The following INSRR variants were observed in gnomAD, a reference collection of about 807,000 sequenced individuals.
INSRR encodes the protein insulin receptor-related protein.
INSRR carries 114 observed loss-of-function variants against 130.0 expected under a neutral mutation model. The ratio of observed to expected loss-of-function variants is 0.88; its 90% CI spans 0.75 to 1.02. The LOEUF is 1.02. Among genes scored for constraint, INSRR ranks in the 50% least tolerant of loss-of-function variants. The pLI is 0.00. For missense variants in INSRR, 1,657 were observed against 1,735.2 expected, an observed-to-expected ratio of 0.95 and a Z score of 0.80; for synonymous variants, 674 against 705.2, an observed-to-expected ratio of 0.96 and a Z score of 0.70.
Position 156,849,353 on chromosome 1 carries a change from G to T in INSRR, c.1337C>A (p.Pro446Gln), listed in dbSNP as rs767047555. Residue 446 changes from proline to glutamine, a missense_variant, in exon 6 of 22, where the codon CCG becomes CAG. Pro to Gln is a moderately conservative substitution (Grantham distance 76, BLOSUM62 -1). Coordinates refer to ENST00000368195, the MANE Select transcript of INSRR (RefSeq NM_014215.3). ...GTAGATGTGTTCCAAGCAGAGGCGC[G>T]GGTTGAAGGCGAAGTAGATCTTGCC... ...PVGKIYFAFNPRLCLEHIYRL... is the reference protein window; with the variant it reads ...PVGKIYFAFNQRLCLEHIYRL... 1.2e-6 allele frequency: 2 copies of T among 1,613,882 alleles called. No homozygotes were observed. Among genetic ancestry groups the T allele is most frequent in the Non-Finnish European group, 1.7e-6 (2 of 1,179,978 alleles).
At position 156,843,482 on chromosome 1, in the gene INSRR, G is replaced by A. The variant is rs777550620; in HGVS notation, c.2844-3C>T. ...CAGAAGCATACAGGGTTCTGTTTCTGCAACGGGAGGTGAGGGGGTCAGGCT... is the reference window on the plus strand; with the variant it reads ...CAGAAGCATACAGGGTTCTGTTTCTACAACGGGAGGTGAGGGGGTCAGGCT... On this transcript the variant is annotated splice_region_variant and splice_polypyrimidine_tract_variant and intron_variant, in intron 15 of 21. Coordinates refer to ENST00000368195, the MANE Select transcript of INSRR (RefSeq NM_014215.3). 2 of 1,614,176 alleles carry A rather than the reference G, an allele frequency of 1.2e-6. No homozygotes were observed. The highest frequency in any genetic ancestry group is 2.2e-5 in the South Asian group (2 of 91,074).
In INSRR at chr1:156,851,956, G is replaced by A. The variant is rs1390977266; in HGVS notation, c.873C>T (p.Ser291=). The change falls in exon 3 of 22, where the codon TCC becomes TCT. Residue 291 remains serine, a synonymous_variant. Transcript: ENST00000368195. ...ASLHSVPGRA[S]TFGIHQGSCL... ...AACTGCCCTGGTGTATGCCGAAGGT[G>A]GAGGCACGGCCGGGCACAGAGTGCA... The A allele has an allele frequency of 1.9e-6, 3 of 1,606,994 alleles. No individual in the cohort carries two copies. Among genetic ancestry groups the A allele is most frequent in the Admixed American group, 3.3e-5 (2 of 59,800 alleles).
Position 156,852,199 on chromosome 1 carries a change from G to A in INSRR, c.638-8C>T, listed in dbSNP as rs1655241128. On this transcript the variant is annotated splice_region_variant and splice_polypyrimidine_tract_variant and intron_variant, in intron 2 of 21. Coordinates refer to ENST00000368195, the MANE Select transcript of INSRR (RefSeq NM_014215.3). ...CATGGGGGCAGGGGCACACTGTGGG[G>A]AGAGTGGTGTGTTAGACGTTGGCCA... 1 of 1,581,770 alleles carries A rather than the reference G, an allele frequency of 6.3e-7. No homozygotes were observed. Among genetic ancestry groups the A allele is most frequent in the Non-Finnish European group, 8.6e-7 (1 of 1,161,144 alleles).
chr1:156,843,123 C>T lies in INSRR; in HGVS notation c.3007G>A (p.Ala1003Thr). Residue 1003 changes from alanine (A) to threonine (T), a missense_variant, in exon 17 of 22, where the codon GCT becomes ACT. Coordinates refer to ENST00000368195, the MANE Select transcript of INSRR (RefSeq NM_014215.3). ...VYEGLARGLE[A>T]GEESTPVALK... ...GCCACGGGTGTGGACTCCTCTCCAG[C>T]CTCAAGTCCTCGTGCCAGCCCCTCA... 6.2e-7 allele frequency: 1 copy of T among 1,614,156 alleles called. No individual in the cohort carries two copies. The highest frequency in any genetic ancestry group is 2.2e-5 in the East Asian group (1 of 44,878).
chr1:156,851,153 G>C (rs777894224), intron 5 of INSRR, 137 bp downstream of exon 5: 1 of 882,896 alleles, frequency 1.1e-6, no homozygotes, highest in Non-Finnish European at 1.9e-6. Flanking sequence ...CTGAAGACCA[G>C]AGAAGTTAAC....
rs1225476779 is a variant in INSRR, at chr1:156,854,399, G to A, written c.86-96C>T. 1 of 1,256,058 alleles carries A rather than the reference G, an allele frequency of 8.0e-7. No individual in the cohort carries two copies. Among genetic ancestry groups the A allele is most frequent in the Non-Finnish European group, 1.1e-6 (1 of 917,478 alleles). 77.8% of individuals were successfully genotyped at this position (1,256,058 alleles called of 1,614,324 possible). On this transcript the variant is annotated intron_variant, in intron 1 of 21. Coordinates refer to ENST00000368195, the MANE Select transcript of INSRR (RefSeq NM_014215.3). The surrounding 1 kb of genome is among the most constrained non-coding windows in gnomAD (Gnocchi z 4.2). ...TGGAGGGGAGCCACACTGGCAGTAGGACAATGAGTGAGGAGCCGGGCTCTG... is the reference window on the plus strand; with the variant it reads ...TGGAGGGGAGCCACACTGGCAGTAGAACAATGAGTGAGGAGCCGGGCTCTG...
intron 7 of INSRR, among the ~76,000 whole-genome samples, chr1:156,847,627 C>T (rs949442062): frequency 2.2e-4 from 33 of 151,820 alleles, no homozygotes; most frequent in Non-Finnish European, 2.9e-5. Flanking sequence ...GAAGTGCCTG[C>T]CTTTGTTGGG....
In INSRR at chr1:156,844,593, C is replaced by T. The variant is rs767505638; in HGVS notation, c.2606G>A (p.Arg869Gln). Residue 869 changes from arginine to glutamine, a missense_variant, in exon 14 of 22, where the codon CGA becomes CAA. Arg to Gln is a conservative substitution (Grantham distance 43). Transcript: ENST00000368195. ...EATVLCVSRL[R>Q]YAKFGGVHLA... ...GTGGACTCCCCCAAACTTCGCATAT[C>T]GAAGACGGGACACACACAGCACTGT... 1.2e-5 allele frequency: 19 copies of T among 1,614,158 alleles called. No individual in the cohort carries two copies. The highest frequency in any genetic ancestry group is 2.2e-5 in the East Asian group (1 of 44,872).
intron 12 of INSRR, 77 bp downstream of exon 12, chr1:156,844,999 A>G: frequency 6.5e-7 from 1 of 1,530,502 alleles, no homozygotes; most frequent in Non-Finnish European, 8.9e-7. Flanking sequence ...GGTTAGCGAG[A>G]AGTCAAACCC....
chr1:156,842,626 C>G (rs891668899), intron 17 of INSRR, 118 bp from the exon 18 acceptor site: 2 of 716,368 alleles, frequency 2.8e-6, no homozygotes, highest in Non-Finnish European at 5.0e-6. Context: ...TAACCCCAAC[C>G]ATGACTATAA....
In INSRR at chr1:156,845,393, G is replaced by A. The variant is rs1345045618; in HGVS notation, c.2195C>T (p.Ser732Phe). ...TIPISPWKVT[S>F]INKSPQRDSG... ...TCACCTTTGGGGGCTCTTGTTGATG[G>A]ACGTCACCTTCCAAGGGGATCTGGG... Residue 732 changes from serine (S) to phenylalanine (F), a missense_variant, in exon 11 of 22, where the codon TCC becomes TTC. Physicochemically the swap from Ser to Phe is radical, Grantham distance 155. Coordinates refer to ENST00000368195, the MANE Select transcript of INSRR (RefSeq NM_014215.3). The A allele has an allele frequency of 6.4e-7, 1 of 1,566,042 alleles. No homozygotes were observed. The highest frequency in any genetic ancestry group is 1.2e-5 in the South Asian group (1 of 82,772).
Position 156,841,071 on chromosome 1 carries a change from G to A in INSRR, c.3696C>T (p.Asn1232=), listed in dbSNP as rs747882547. The A allele has an allele frequency of 1.9e-6, 3 of 1,572,820 alleles. No individual in the cohort carries two copies. Among genetic ancestry groups the A allele is most frequent in the Non-Finnish European group, 2.6e-6 (3 of 1,158,724 alleles). ...GTGTGAAAGATGGGCGCAGGCGTGG[G>A]TTCGGCTGCCAGCAGCGGCTCATCA... ...QELMSRCWQP[N]PRLRPSFTHI... is the part of the protein sequence containing the mutation. The change falls in exon 22 of 22, where the codon AAC becomes AAT. Residue 1232 remains asparagine (N), a synonymous_variant. Coordinates refer to ENST00000368195, the MANE Select transcript of INSRR (RefSeq NM_014215.3).
chr1:156,854,060 A>T lies in INSRR; in HGVS notation c.329T>A (p.Phe110Tyr). 6.2e-7 allele frequency: 1 copy of T among 1,614,118 alleles called. No individual in the cohort carries two copies. Among genetic ancestry groups the T allele is most frequent in the Non-Finnish European group, 8.5e-7 (1 of 1,180,048 alleles). ...AAAGATGACCAGTGCATAGCCCAGG[A>T]AGAGGCGCGTCCCGCGGATGACTGC... ...NLAVIRGTRL[F>Y]LGYALVIFEM... Residue 110 changes from phenylalanine to tyrosine, a missense_variant, in exon 2 of 22, where the codon TTC (phenylalanine) becomes TAC (tyrosine). Transcript: ENST00000368195. The surrounding 1 kb of genome is among the most constrained non-coding windows in gnomAD (Gnocchi z 4.2).
intron 13 of INSRR, 35 bp from the exon 14 acceptor site, chr1:156,844,659 G>C (rs748909306): frequency 6.2e-6 from 10 of 1,613,794 alleles, no homozygotes; most frequent in Non-Finnish European, 8.5e-6. Flanking sequence ...CTGGGAAGGC[G>C]ATGTAGGCAC....
At position 156,843,067 on chromosome 1, in the gene INSRR, T is replaced by A; in HGVS notation, c.3063A>T (p.Pro1021=). Residue 1021 remains proline (P), a synonymous_variant, in exon 17 of 22, where the codon CCA becomes CCT. Transcript: ENST00000368195. Reference sequence around the variant, plus strand: ...CCTTGAGGAACTCAATGCATTCCCGTGGGCTGGCCAGCTCATTCACCGTCT... The same window carrying A: ...CCTTGAGGAACTCAATGCATTCCCGAGGGCTGGCCAGCTCATTCACCGTCT... The part of the protein sequence containing the change: ...ALKTVNELAS[P]RECIEFLKEA... The A allele has an allele frequency of 6.2e-7, 1 of 1,614,222 alleles. No homozygotes were observed. Among genetic ancestry groups the A allele is most frequent in the Non-Finnish European group, 8.5e-7 (1 of 1,180,050 alleles).
At chr1:156,850,885 T>A (rs1655182467) in intron 5 of INSRR, among the ~76,000 whole-genome samples, 1 of 152,206 alleles carries the variant, frequency 6.6e-6, no homozygotes, top group Non-Finnish European at 1.5e-5. Context: ...AAATGCTGGC[T>A]ACATTATAGG....
chr1:156,846,104 T>A lies in INSRR; in HGVS notation c.1826A>T (p.Gln609Leu), dbSNP rs1553258812. 1.9e-6 allele frequency: 3 copies of A among 1,600,514 alleles called. No homozygotes were observed. The highest frequency in any genetic ancestry group is 2.6e-6 in the Non-Finnish European group (3 of 1,173,122). ...GGAGTTGGACGTGGAGATGACGTCT[T>A]GGGGCACCGTGGGAGCTAGGAGTGC... ...RTLPAAPTVPQDVISTSNSSS... is the reference protein window; with the variant it reads ...RTLPAAPTVPLDVISTSNSSS... The change falls in exon 9 of 22, where the codon CAA becomes CTA. Residue 609 changes from glutamine (Q) to leucine (L), a missense_variant. Coordinates refer to ENST00000368195, the MANE Select transcript of INSRR (RefSeq NM_014215.3).
Position 156,844,696 on chromosome 1 carries a change from C to T in INSRR, c.2574+11G>A, listed in dbSNP as rs567316547. On this transcript the variant is annotated intron_variant, in intron 13 of 21. Coordinates refer to ENST00000368195, the MANE Select transcript of INSRR (RefSeq NM_014215.3). ...AAACGGGGCTGGGACGGGGGTCCCA[C>T]GGGCACCTACCTCTCCCAAGCGGCG... 17 of 1,614,078 alleles carry T rather than the reference C, an allele frequency of 1.1e-5. No individual in the cohort carries two copies. The South Asian group carries it at 1.4e-4, about 14-fold the overall frequency.
intron 18 of INSRR, 22 bp downstream of exon 18, chr1:156,842,376 C>T (rs764821124): frequency 6.2e-7 from 1 of 1,613,196 alleles, no homozygotes; most frequent in South Asian, 1.1e-5. Flanking sequence ...CTTTCACTCC[C>T]CAGGGTCTTC....
Sources: gnomAD v4.1 joint callset for allele counts (sites outside exome capture counted in the v4.1 genomes callset) on GRCh38, gnomAD v4.1.1 for gene constraint, Gnocchi (gnomAD v3.1) non-coding constraint, MANE v1.5 for transcripts, NCBI Gene and HGNC (gene_info 2026-07-23, HGNC 2026-07-21) for gene names.